MTUS2: variants seen among roughly 807,000 people sequenced by gnomAD.
The protein encoded by MTUS2 is microtubule-associated tumor suppressor candidate 2.
A neutral mutation model predicts 114.1 loss-of-function variants in MTUS2; 40 were observed. The observed-to-expected ratio is 0.35, with a 90% CI of 0.27 to 0.46. MTUS2 has a LOEUF of 0.46. Among genes scored for constraint, MTUS2 ranks in the 20% least tolerant of loss-of-function variants. The pLI, the probability that MTUS2 is intolerant of heterozygous loss-of-function variation, is 1.00. For missense variants in MTUS2, 1,679 were observed against 1,705.4 expected, an observed-to-expected ratio of 0.98 and a Z score of 0.27; for synonymous variants, 688 against 672.0, an observed-to-expected ratio of 1.02 and a Z score of -0.37.
intron 2 of MTUS2, among the ~76,000 whole-genome samples, chr13:28,897,455 G>A (rs1879347764): frequency 1.3e-5 from 2 of 151,834 alleles, no homozygotes; most frequent in South Asian, 4.1e-4. Flanking sequence ...TTGGTGGGAC[G>A]TAAACTAGTT....
intron 5 of MTUS2, among the ~76,000 whole-genome samples, chr13:29,270,304 C>G (rs992174928): frequency 3.3e-5 from 5 of 152,094 alleles, no homozygotes; most frequent in Admixed American, 1.3e-4. Flanking sequence ...TCATGGTGCC[C>G]CTGAGGTAAA....
chr13:29,441,915 C>CT (rs1877910220), intron 9 of MTUS2, among the ~76,000 whole-genome samples: 2 of 152,112 alleles, frequency 1.3e-5, no homozygotes, highest in Admixed American at 1.3e-4. Context: ...CAAAAAAATC[C>CT]TCACCTGATG....
At chr13:28,880,601 T>G (rs956412256) in intron 2 of MTUS2, among the ~76,000 whole-genome samples, 1 of 152,244 alleles carries the variant, frequency 6.6e-6, no homozygotes, top group African/African-American at 2.4e-5. Flanking sequence ...TATGCATACT[T>G]TGGAAAATTT....
At chr13:28,873,704 T>A (rs991635860) in intron 2 of MTUS2, among the ~76,000 whole-genome samples, 1 of 152,230 alleles carries the variant, frequency 6.6e-6, no homozygotes, top group African/African-American at 2.4e-5. Flanking sequence ...ACAGTGATGT[T>A]GAACTCCTAG....
At chr13:28,896,756 C>T (rs995994058) in intron 2 of MTUS2, among the ~76,000 whole-genome samples, 7 of 152,270 alleles carry the variant, frequency 4.6e-5, no homozygotes, top group South Asian at 2.1e-4. Flanking sequence ...TGCATATCTA[C>T]AACCATCTGA....
chr13:29,429,033 C>A (rs1488838757), intron 8 of MTUS2: 3 of 819,220 alleles, frequency 3.7e-6, no homozygotes, highest in Admixed American at 4.3e-5. Flanking sequence ...TCCCTTTACT[C>A]GTTCCAATGT....
chr13:29,204,370 G>T (rs892325508), intron 5 of MTUS2, among the ~76,000 whole-genome samples: 2 of 152,198 alleles, frequency 1.3e-5, no homozygotes, highest in African/African-American at 4.8e-5. Context: ...GATGGGCCGG[G>T]GTTGCCAAGC....
chr13:29,012,448 GGAA>G (rs751248186), intron 2 of MTUS2, among the ~76,000 whole-genome samples: 1 of 152,174 alleles, frequency 6.6e-6, no homozygotes, highest in Non-Finnish European at 1.5e-5. Flanking sequence ...GTGGTAGGAA[GGAA>G]GAAGTGGAGA....
At chr13:29,243,425 T>C (rs1896801480) in intron 5 of MTUS2, among the ~76,000 whole-genome samples, 1 of 152,146 alleles carries the variant, frequency 6.6e-6, no homozygotes. Flanking sequence ...ACACCAAAAG[T>C]GTCTCCTCAA....
At chr13:28,966,748 A>AG (rs1883612771) in intron 2 of MTUS2, among the ~76,000 whole-genome samples, 1 of 140,036 alleles carries the variant, frequency 7.1e-6, no homozygotes, top group African/African-American at 2.6e-5. Flanking sequence ...AAAAAAAAAA[A>AG]CAAAGAACTG....
At chr13:29,382,973 A>G (rs1408202908) in intron 8 of MTUS2, among the ~76,000 whole-genome samples, 1 of 152,186 alleles carries the variant, frequency 6.6e-6, no homozygotes, top group Non-Finnish European at 1.5e-5. Flanking sequence ...GAGCAAGAGA[A>G]CAGAGTTGGA....
chr13:29,157,944 A>T (rs149643302), intron 5 of MTUS2, among the ~76,000 whole-genome samples: 65 of 152,352 alleles, frequency 4.3e-4, no homozygotes, highest in Admixed American at 1.2e-3. Context: ...GGTCTACGTG[A>T]CAAAATAGAA....
chr13:29,148,432 A>G (rs913475879), intron 5 of MTUS2, among the ~76,000 whole-genome samples: 8 of 136,674 alleles, frequency 5.9e-5, no homozygotes, highest in African/African-American at 2.3e-4. Context: ...CTCATCATTC[A>G]CCTCCCACTA....
intron 9 of MTUS2, among the ~76,000 whole-genome samples, chr13:29,458,980 G>C (rs1028095880): frequency 1.1e-4 from 17 of 152,244 alleles, no homozygotes. Flanking sequence ...CTCATGGATG[G>C]CTGAGAGTGA....
intron 5 of MTUS2, among the ~76,000 whole-genome samples, chr13:29,171,257 T>G (rs1243611884): frequency 6.6e-6 from 1 of 152,208 alleles, no homozygotes; most frequent in Non-Finnish European, 1.5e-5. Flanking sequence ...AGTGAAAATC[T>G]ATTCTTCAAT....
intron 5 of MTUS2, among the ~76,000 whole-genome samples, chr13:29,149,408 T>A (rs1892575795): frequency 6.6e-6 from 1 of 152,254 alleles, no homozygotes; most frequent in Admixed American, 6.5e-5. Flanking sequence ...AAGTTCCTTG[T>A]AGATACTGGA....
chr13:29,047,741 C>G (rs1228595545), intron 4 of MTUS2, among the ~76,000 whole-genome samples: 1 of 152,116 alleles, frequency 6.6e-6, no homozygotes, highest in African/African-American at 2.4e-5. Context: ...TCTCGATCTC[C>G]TGACGTGATG....
intron 8 of MTUS2, among the ~76,000 whole-genome samples, chr13:29,360,688 A>C (rs1239588247): frequency 0.015 from 1,293 of 86,952 alleles, no homozygotes; most frequent in Middle Eastern, 0.025. Context: ...GTAGCCGAAC[A>C]CCCCCCCCCC....
intron 4 of MTUS2, among the ~76,000 whole-genome samples, chr13:29,064,121 G>T (rs578103620): frequency 3.9e-5 from 6 of 152,164 alleles, no homozygotes; most frequent in Admixed American, 3.9e-4. Flanking sequence ...GAATGTTAGC[G>T]GGCAGCTTAT....
Sources: gnomAD v4.1 joint callset for allele counts (sites outside exome capture counted in the v4.1 genomes callset) on GRCh38, gnomAD v4.1.1 for gene constraint, MANE v1.5 for transcripts, NCBI Gene and HGNC (gene_info 2026-07-23, HGNC 2026-07-21) for gene names.